Variants in YJU2B observed in about 807,000 individuals in gnomAD.
The protein encoded by YJU2B is YJU2 splicing factor homolog B.
A neutral mutation model predicts 38.0 loss-of-function variants in YJU2B; 18 were observed. The ratio of observed to expected loss-of-function variants is 0.47; its 90% CI spans 0.33 to 0.70. YJU2B has a LOEUF of 0.70. Among genes scored for constraint, YJU2B ranks in the 30% least tolerant of loss-of-function variants. YJU2B has a pLI of 0.02. For missense variants in YJU2B, 538 were observed against 556.3 expected (o/e 0.97, Z 0.33); for synonymous variants, 246 against 225.4 (o/e 1.09, Z -0.82).
intron 1 of YJU2B, among the ~76,000 whole-genome samples, chr19:13,751,213 CAA>C (rs1423206697): frequency 2.6e-5 from 4 of 152,056 alleles, no homozygotes; most frequent in South Asian, 2.1e-4. Context: ...GTAAAGAGAT[CAA>C]GACCATCCTG....
chr19:13,762,795 C>A lies in YJU2B; in HGVS notation c.918C>A (p.Ser306Arg). ...VRRRSRDVPE[S>R]PQHAADTPKS... ...GGAGGTCTCGGGACGTCCCGGAGAG[C>A]CCCCAGCATGCGGCCGACACCCCCA... The change falls in exon 10 of 10, where the codon AGC becomes AGA. Residue 306 changes from serine (S) to arginine (R), a missense_variant. Around this residue, in one of 2 missense-constraint regions of YJU2B, gnomAD observed 488 missense variants for 469.5 expected, o/e 1.04. Coordinates refer to ENST00000221554, the MANE Select transcript of YJU2B (RefSeq NM_030818.4). The A allele has an allele frequency of 6.2e-7, 1 of 1,602,646 alleles. No homozygotes were observed. Among genetic ancestry groups the A allele is most frequent in the South Asian group, 1.1e-5 (1 of 89,850 alleles).
upstream of YJU2B, among the ~76,000 whole-genome samples, chr19:13,744,340 CAAAAGGGACATAAAGTTTAGT>C (rs1973174872): frequency 6.6e-6 from 1 of 152,140 alleles, no homozygotes; most frequent in South Asian, 2.1e-4. Flanking sequence ...AAACTTGGAA[CAAAAGGGACATAAAGTTTAGT>C]CTTCACTTCC....
intron 1 of YJU2B, among the ~76,000 whole-genome samples, chr19:13,749,176 G>A (rs1182053141): frequency 6.6e-6 from 1 of 152,032 alleles, no homozygotes; most frequent in African/African-American, 2.4e-5. Context: ...GCCAATTTTT[G>A]TATTTTTAGT....
intron 2 of YJU2B, among the ~76,000 whole-genome samples, chr19:13,734,092 TA>T (rs2145071961): frequency 6.6e-6 from 1 of 152,120 alleles, no homozygotes; most frequent in East Asian, 1.9e-4. Context: ...CCTGCTTGGC[TA>T]ATTTTTGTAT....
upstream of YJU2B, among the ~76,000 whole-genome samples, chr19:13,744,941 C>A (rs571405980): frequency 6.6e-6 from 1 of 151,054 alleles, no homozygotes; most frequent in African/African-American, 2.4e-5. Flanking sequence ...TGCAGTGAGC[C>A]GAGATCATGC....
intron 8 of YJU2B, among the ~76,000 whole-genome samples, chr19:13,760,159 T>C (rs1973834878): frequency 6.6e-6 from 1 of 151,524 alleles, no homozygotes; most frequent in South Asian, 2.1e-4. Flanking sequence ...ACTCCCAACC[T>C]CAAGTGATCC....
In YJU2B at chr19:13,757,581, GA is replaced by G. The variant is rs1477697202; in HGVS notation, c.196+109del. ...GGTCCTGATCAGGAATGAGGGAGGA[GA>G]CGGGCACCCGAGTGACTGGCTGGCC... On this transcript the variant is annotated intron_variant, in intron 5 of 9. Transcript: ENST00000221554. The G allele has an allele frequency of 3.4e-6, 4 of 1,174,042 alleles. No homozygotes were observed. The Admixed American group carries it at 7.3e-5, about 22-fold the overall frequency. The allele number at this position is 1,174,042 out of a possible 1,614,324, so 72.7% of individuals were successfully genotyped here. A position where few individuals can be genotyped will look rare whatever the true frequency, so the allele number is the denominator to read the frequency against.
rs751951430 is a variant in YJU2B, at chr19:13,759,194, A to G, written c.495A>G (p.Thr165=). 1.2e-6 allele frequency: 2 copies of G among 1,613,506 alleles called. No individual in the cohort carries two copies. Among genetic ancestry groups the G allele is most frequent in the Admixed American group, 1.7e-5 (1 of 59,960 alleles). Residue 165 remains threonine (T), a synonymous_variant, in exon 8 of 10, where the codon ACA becomes ACG. Transcript: ENST00000221554. ...DRSTLKKALP[T]LSHIQEAQSA... Reference sequence around the variant, plus strand: ...GCACACTCAAGAAGGCGCTGCCCACACTGAGCCACATCCAGGAGGCCCAGA... The same window carrying G: ...GCACACTCAAGAAGGCGCTGCCCACGCTGAGCCACATCCAGGAGGCCCAGA...
intron 1 of YJU2B, among the ~76,000 whole-genome samples, chr19:13,749,070 C>G (rs1973356563): frequency 6.6e-6 from 1 of 152,202 alleles, no homozygotes; most frequent in Non-Finnish European, 1.5e-5. Context: ...GTGGCGTGAT[C>G]TCGGTTCACT....
At chr19:13,747,341 CCTAA>C (rs1332811659), upstream of YJU2B, among the ~76,000 whole-genome samples, 4 of 152,162 alleles carry the variant, frequency 2.6e-5, no homozygotes, top group African/African-American at 7.2e-5. Flanking sequence ...TTTTCCCCCA[CCTAA>C]CTATTTAAAA....
chr19:13,750,246 G>T (rs1973405142), intron 1 of YJU2B, among the ~76,000 whole-genome samples: 1 of 152,114 alleles, frequency 6.6e-6, no homozygotes, highest in African/African-American at 2.4e-5. Context: ...TTGTTTGTTT[G>T]AGACGGAGTC....
intron 1 of YJU2B, among the ~76,000 whole-genome samples, chr19:13,749,967 G>A (rs900229974): frequency 6.6e-6 from 1 of 152,028 alleles, no homozygotes; most frequent in Non-Finnish European, 1.5e-5. Context: ...CATGAGAGGG[G>A]GTCTCACCAC....
intron 1 of YJU2B, chr19:13,732,054 A>G (rs1278865563): frequency 6.6e-6 from 1 of 152,178 alleles, no homozygotes; most frequent in Non-Finnish European, 1.5e-5. Context: ...GAGGATTCAG[A>G]GAGCTCAGAA....
chr19:13,746,971 CAAGTT>C (rs1156763128), upstream of YJU2B, among the ~76,000 whole-genome samples: 12 of 150,922 alleles, frequency 8.0e-5, no homozygotes, highest in African/African-American at 2.9e-4. Flanking sequence ...GGTGGTAACA[CAAGTT>C]ATGGGAGGGT....
intron 8 of YJU2B, 57 bp from the exon 9 acceptor site, chr19:13,762,242 C>G: frequency 1.3e-6 from 2 of 1,588,488 alleles, no homozygotes; most frequent in East Asian, 4.5e-5. Flanking sequence ...CCCTAGTACA[C>G]AGAAGAGACA....
At chr19:13,740,035 T>C (rs1181043635) in intron 2 of YJU2B, among the ~76,000 whole-genome samples, 1 of 152,058 alleles carries the variant, frequency 6.6e-6, no homozygotes, top group Non-Finnish European at 1.5e-5. Flanking sequence ...CTATTTACAA[T>C]AGCAAAGACT....
chr19:13,745,678 G>GATAGAT (rs1973213342), upstream of YJU2B, among the ~76,000 whole-genome samples: 2 of 89,274 alleles, frequency 2.2e-5, no homozygotes, highest in Non-Finnish European at 4.5e-5. Context: ...TAGATAGATA[G>GATAGAT]ATAGATAGAT....
At chr19:13,742,336 A>C in intron 2 of YJU2B, among the ~76,000 whole-genome samples, 1 of 118,158 alleles carries the variant, frequency 8.5e-6, no homozygotes, top group African/African-American at 3.4e-5. Context: ...ACGGAGTCTC[A>C]CTGTCGCCAG....
At chr19:13,736,537 G>C (rs1282839824) in intron 2 of YJU2B, among the ~76,000 whole-genome samples, 4 of 151,586 alleles carry the variant, frequency 2.6e-5, no homozygotes, top group African/African-American at 9.7e-5. Flanking sequence ...TGGGATTATA[G>C]GCATAAGCCA....
Sources: gnomAD v4.1 joint callset for allele counts (sites outside exome capture counted in the v4.1 genomes callset) on GRCh38, gnomAD v4.1.1 for gene constraint, gnomAD v4.1.1 regional missense constraint, MANE v1.5 for transcripts, NCBI Gene and HGNC (gene_info 2026-07-23, HGNC 2026-07-21) for gene names.